ATP8B4: variants seen among roughly 807,000 people sequenced by gnomAD.
ATP8B4 encodes the protein probable phospholipid-transporting ATPase IM.
ATP8B4 carries 133 observed loss-of-function variants against 145.6 expected under a neutral mutation model. The observed-to-expected ratio is 0.91, with a 90% CI of 0.79 to 1.05. The LOEUF is 1.05. Ranked by LOEUF, ATP8B4 falls within the 50% of genes least tolerant of loss-of-function variation. The pLI, the probability that ATP8B4 is intolerant of heterozygous loss-of-function variation, is 0.00. For missense variants in ATP8B4, 1,458 were observed against 1,425.2 expected (o/e 1.02, Z -0.37); for synonymous variants, 507 against 492.9 (o/e 1.03, Z -0.38).
rs187143272 is a variant in ATP8B4, at chr15:49,860,644, G to C, written c.3298-169C>G. On this transcript the variant is annotated intron_variant, in intron 27 of 27. Coordinates refer to ENST00000284509, the MANE Select transcript of ATP8B4 (RefSeq NM_024837.4). ...ATTTTCCACCCAAAAGATAACACTG[G>C]GGGGGCACTGGTCCATTTTTATCTC... Among the ~76,000 whole-genome samples the C allele has an allele frequency of 3.1e-3, 468 of 152,148 alleles. 3 individuals carry two copies. The highest frequency in any genetic ancestry group is 0.011 in the African/African-American group (449 of 41,506).
intron 12 of ATP8B4, among the ~76,000 whole-genome samples, chr15:49,973,192 G>T (rs2045336260): frequency 6.6e-6 from 1 of 152,142 alleles, no homozygotes. Flanking sequence ...GGGGAAGGGG[G>T]ATGGTTTCAG....
intron 23 of ATP8B4, among the ~76,000 whole-genome samples, chr15:49,889,482 G>A (rs553835962): frequency 1.9e-4 from 29 of 152,152 alleles, no homozygotes; most frequent in Non-Finnish European, 4.1e-4. Flanking sequence ...CATAAGCAAC[G>A]TACTGAAGTT....
At chr15:50,008,351 T>G (rs1214476277) in intron 7 of ATP8B4, among the ~76,000 whole-genome samples, 1 of 152,042 alleles carries the variant, frequency 6.6e-6, no homozygotes, top group Non-Finnish European at 1.5e-5. Context: ...ACACTTAGAG[T>G]GTTATTTTGG....
At chr15:49,907,504 G>A (rs2038749047) in intron 20 of ATP8B4, among the ~76,000 whole-genome samples, 1 of 152,196 alleles carries the variant, frequency 6.6e-6, no homozygotes, top group African/African-American at 2.4e-5. Flanking sequence ...AGTAGTCCTT[G>A]TTGGTGGAAA....
At chr15:50,108,416 G>A (rs895951537) in intron 1 of ATP8B4, among the ~76,000 whole-genome samples, 7 of 151,738 alleles carry the variant, frequency 4.6e-5, no homozygotes, top group African/African-American at 1.7e-4. Flanking sequence ...GTTGGCCTCA[G>A]GAAAAAAACT....
chr15:49,955,293 C>A (rs917249204), intron 14 of ATP8B4, among the ~76,000 whole-genome samples: 1 of 152,114 alleles, frequency 6.6e-6, no homozygotes, highest in African/African-American at 2.4e-5. Flanking sequence ...GCCTTTGTAA[C>A]AAACCTGCAC....
At chr15:50,020,969 T>C (rs937071497) in intron 6 of ATP8B4, among the ~76,000 whole-genome samples, 2 of 152,046 alleles carry the variant, frequency 1.3e-5, no homozygotes, top group African/African-American at 4.8e-5. Flanking sequence ...GAAAATAAAA[T>C]AATAAAAATT....
intron 4 of ATP8B4, among the ~76,000 whole-genome samples, chr15:50,045,325 G>A (rs1195301105): frequency 6.6e-6 from 1 of 152,142 alleles, no homozygotes; most frequent in Non-Finnish European, 1.5e-5. Context: ...TCATGCAACT[G>A]GGCCAAGATC....
At chr15:50,033,254 TAAAGTAG>T in intron 6 of ATP8B4, among the ~76,000 whole-genome samples, 1 of 152,306 alleles carries the variant, frequency 6.6e-6, no homozygotes, top group East Asian at 1.9e-4. Flanking sequence ...CAGGAAAGTA[TAAAGTAG>T]AATGTTGCAC....
chr15:49,987,691 A>G (rs1205784340), intron 9 of ATP8B4, 142 bp from the exon 10 acceptor site: 1 of 840,854 alleles, frequency 1.2e-6, no homozygotes, highest in Non-Finnish European at 1.7e-6. Flanking sequence ...AGAAAAAAAT[A>G]AGCTGGGAGG....
chr15:49,890,880 T>C (rs2036714432), intron 23 of ATP8B4, among the ~76,000 whole-genome samples: 1 of 152,192 alleles, frequency 6.6e-6, no homozygotes. Context: ...GGGGTGTGGC[T>C]GGGGAACACC....
At chr15:50,034,525 G>A (rs112027073) in intron 6 of ATP8B4, among the ~76,000 whole-genome samples, 51 of 151,976 alleles carry the variant, frequency 3.4e-4, no homozygotes, top group Admixed American at 2.6e-4. Flanking sequence ...CACCACACCC[G>A]GCCATTGAGT....
chr15:49,926,101 C>T (rs1237413573), intron 16 of ATP8B4, among the ~76,000 whole-genome samples: 1 of 152,080 alleles, frequency 6.6e-6, no homozygotes, highest in African/African-American at 2.4e-5. Context: ...TCTATGGCTT[C>T]AGGTTCCAAC....
chr15:49,961,607 A>G (rs985618089), intron 14 of ATP8B4, among the ~76,000 whole-genome samples: 1 of 152,220 alleles, frequency 6.6e-6, no homozygotes, highest in African/African-American at 2.4e-5. Context: ...AGCCATTAAA[A>G]AGAACGAGAA....
Position 50,139,568 on chromosome 15 carries a change from T to C in ATP8B4, c.-42-32560A>G, listed in dbSNP as rs189063839. Among the ~76,000 whole-genome samples the C allele has an allele frequency of 4.6e-5, 7 of 152,252 alleles. No homozygotes were observed. In the East Asian group the frequency reaches 1.4e-3, roughly 29 times the overall value. On this transcript the variant is annotated intron_variant, in intron 1 of 3. Coordinates refer to the ATP8B4 transcript ENST00000558829. ...TGTATACCTATGCAACAAACCTGCA[T>C]GTTCTACACATGTATCCCAGAACTT...
rs910992036 is a variant in ATP8B4 at position 50,029,507 on chromosome 15, G to C, written c.362+9261C>G. ...CTTCTCTTCTCTCATAAAGACACTG[G>C]TGGTTGGGTTTAGAGTCCACCCTAA... On this transcript the variant is annotated intron_variant, in intron 6 of 27. Coordinates refer to ENST00000284509, the MANE Select transcript of ATP8B4 (RefSeq NM_024837.4). Among the ~76,000 whole-genome samples the C allele has an allele frequency of 2.0e-5, 3 of 152,012 alleles. No homozygotes were observed. In the East Asian group the frequency reaches 5.8e-4, roughly 29 times the overall value.
intron 2 of ATP8B4, among the ~76,000 whole-genome samples, chr15:50,094,598 A>T (rs1036515057): frequency 6.7e-5 from 10 of 148,886 alleles, no homozygotes; most frequent in African/African-American, 2.4e-4. Flanking sequence ...ATACAAATAT[A>T]CACATATATA....
At chr15:50,008,423 G>A (rs997588732) in intron 7 of ATP8B4, among the ~76,000 whole-genome samples, 1 of 152,202 alleles carries the variant, frequency 6.6e-6, no homozygotes, top group Non-Finnish European at 1.5e-5. Flanking sequence ...ACCCCATCAT[G>A]GGAACCACCA....
chr15:50,135,663 G>C (rs1024527994), intron 1 of ATP8B4, among the ~76,000 whole-genome samples: 10 of 152,302 alleles, frequency 6.6e-5, no homozygotes, highest in African/African-American at 2.4e-4. Flanking sequence ...CGCTAAACAA[G>C]GAATTGGAGT....
Sources: gnomAD v4.1 joint callset for allele counts (sites outside exome capture counted in the v4.1 genomes callset) on GRCh38, gnomAD v4.1.1 for gene constraint, MANE v1.5 for transcripts, NCBI Gene and HGNC (gene_info 2026-07-23, HGNC 2026-07-21) for gene names.